LRATD2: variants seen among roughly 807,000 people sequenced by gnomAD.
LRATD2 encodes protein LRATD2.
A neutral mutation model predicts 12.0 loss-of-function variants in LRATD2; 10 were observed. The observed-to-expected ratio is 0.83, with a 90% CI of 0.51 to 1.41. The LOEUF (loss-of-function observed/expected upper bound fraction) is 1.41, where lower values mean the gene tolerates loss of function less well. LRATD2 is among the 40% of genes most tolerant of loss of function. The pLI, the probability that LRATD2 is intolerant of heterozygous loss-of-function variation, is 0.00. For missense variants in LRATD2, 455 were observed against 446.1 expected (o/e 1.02, Z -0.18); for synonymous variants, 220 against 205.8 (o/e 1.07, Z -0.59).
chr8:126,553,431 A>G lies in LRATD2; in HGVS notation c.*3026T>C, dbSNP rs913638174. On this transcript the variant is annotated 3_prime_UTR_variant, in exon 2 of 2. Transcript: ENST00000304916. ...ATCCCTGCCAGAACTTCTGAAGAAC[A>G]TTAGAATCGATATTTCTTTCCTTCA... 4 of 152,808 alleles carry G rather than the reference A, an allele frequency of 2.6e-5. No individual in the cohort carries two copies. The highest frequency in any genetic ancestry group is 6.5e-5 in the Admixed American group (1 of 15,312). 9.5% of individuals were successfully genotyped at this position (152,808 alleles called of 1,614,324 possible). A position where few individuals can be genotyped will look rare whatever the true frequency, so the allele number is the denominator to read the frequency against.
rs1288240825 is a variant in LRATD2, at chr8:126,557,321, G to T, written c.69C>A (p.Gly23=). The change falls in exon 2 of 2, where the codon GGC becomes GGA. Residue 23 remains glycine (G), a synonymous_variant. Transcript: ENST00000304916. The surrounding 1 kb of genome is among the most constrained non-coding windows in gnomAD (Gnocchi z 5.3). ...YKEVPTADPT[G]VDRDDGPRIG... is the part of the protein sequence containing the mutation. Reference sequence around the variant, plus strand: ...TGCGGGGCCCGTCGTCCCGGTCCACGCCAGTCGGGTCGGCCGTGGGAACTT... The same window carrying T: ...TGCGGGGCCCGTCGTCCCGGTCCACTCCAGTCGGGTCGGCCGTGGGAACTT... 1 of 1,613,860 alleles carries T rather than the reference G, an allele frequency of 6.2e-7. No homozygotes were observed. Among genetic ancestry groups the T allele is most frequent in the East Asian group, 2.2e-5 (1 of 44,850 alleles).
At position 126,555,576 on chromosome 8, in the gene LRATD2, G is replaced by C. The variant is rs1817369795; in HGVS notation, c.*881C>G. On this transcript the variant is annotated 3_prime_UTR_variant, in exon 2 of 2. Transcript: ENST00000304916. ...GTTTAATTAGATCAAAGACACAAAG[G>C]GCTATTCCCTCCTTTCATAACAACG... 6.6e-6 allele frequency: 1 copy of C among 152,642 alleles called. No individual in the cohort carries two copies. The highest frequency in any genetic ancestry group is 6.5e-5 in the Admixed American group (1 of 15,276). The allele number at this position is 152,642 out of a possible 1,614,324, so 9.5% of individuals were successfully genotyped here.
Position 126,557,382 on chromosome 8 carries a change from T to C in LRATD2, c.8A>G (p.Asn3Ser). The C allele has an allele frequency of 1.2e-6, 2 of 1,613,226 alleles. No homozygotes were observed. Among genetic ancestry groups the C allele is most frequent in the Non-Finnish European group, 8.5e-7 (1 of 1,179,858 alleles). Residue 3 changes from asparagine to serine, a missense_variant, in exon 2 of 2, where the codon AAC becomes AGC. By Grantham distance (46) the Asn-to-Ser change is conservative. Coordinates refer to ENST00000304916, the MANE Select transcript of LRATD2 (RefSeq NM_174911.5). The surrounding 1 kb of genome is among the most constrained non-coding windows in gnomAD (Gnocchi z 5.3). MGNQVEKLTHLSY... is the reference protein window; with the variant it reads MGSQVEKLTHLSY... ...TAGGTGGGTCAATTTCTCCACCTGG[T>C]TGCCCATCACGCTGCGGACACACGT...
In LRATD2 at chr8:126,555,480, A is replaced by G. The variant is rs1817365883; in HGVS notation, c.*977T>C. ...GCAGCCCTTTTTGGCTGCTTCCACA[A>G]TAGATACTTTATGGAGTGGCACAGC... On this transcript the variant is annotated 3_prime_UTR_variant, in exon 2 of 2. Coordinates refer to ENST00000304916, the MANE Select transcript of LRATD2 (RefSeq NM_174911.5). 6.6e-6 allele frequency: 1 copy of G among 152,580 alleles called. No homozygotes were observed. Among genetic ancestry groups the G allele is most frequent in the Admixed American group, 6.5e-5 (1 of 15,278 alleles). 9.5% of individuals were successfully genotyped at this position (152,580 alleles called of 1,614,324 possible). A position where few individuals can be genotyped will look rare whatever the true frequency, so the allele number is the denominator to read the frequency against.
In LRATD2 at chr8:126,556,566, G is replaced by C. The variant is rs775346007; in HGVS notation, c.824C>G (p.Pro275Arg). 16 of 1,607,678 alleles carry C rather than the reference G, an allele frequency of 1.0e-5. No individual in the cohort carries two copies. The highest frequency in any genetic ancestry group is 1.2e-5 in the Non-Finnish European group (14 of 1,177,394). Residue 275 changes from proline (P) to arginine (R), a missense_variant, in exon 2 of 2, where the codon CCG (proline) becomes CGG (arginine). Physicochemically the swap from Pro to Arg is moderately radical, Grantham distance 103. Transcript: ENST00000304916. The surrounding 1 kb of genome is among the most constrained non-coding windows in gnomAD (Gnocchi z 5.6). ...VLQELATHLHPAEPEEGDSNV... is the reference protein window; with the variant it reads ...VLQELATHLHRAEPEEGDSNV... ...GCTGTCGCCCTCCTCCGGCTCCGCC[G>C]GGTGCAGGTGCGTGGCGAGCTCCTG...
At position 126,552,870 on chromosome 8, in the gene LRATD2, G is replaced by A. The variant is rs923529777; in HGVS notation, c.*3587C>T. ...TGTAGCTTTCCAAACAAATCCATTC[G>A]ATGACCATTATCACAACTATATTTT... On this transcript the variant is annotated 3_prime_UTR_variant, in exon 2 of 2. Transcript: ENST00000304916. The A allele has an allele frequency of 4.6e-5, 7 of 152,502 alleles. No homozygotes were observed. The highest frequency in any genetic ancestry group is 7.2e-5 in the African/African-American group (3 of 41,406). The allele number at this position is 152,502 out of a possible 1,614,324, so 9.4% of individuals were successfully genotyped here. A position where few individuals can be genotyped will look rare whatever the true frequency, so the allele number is the denominator to read the frequency against.
rs1817355645 is a variant in LRATD2, at chr8:126,554,961, A to G, written c.*1496T>C. ...ATCATTGAAGATGTCACAGGAGTTT[A>G]AGAGACAGGCTGGAAAAAATCTCAT... On this transcript the variant is annotated 3_prime_UTR_variant, in exon 2 of 2. Coordinates refer to ENST00000304916, the MANE Select transcript of LRATD2 (RefSeq NM_174911.5). 1 of 152,214 alleles carries G rather than the reference A, an allele frequency of 6.6e-6. No homozygotes were observed. Among genetic ancestry groups the G allele is most frequent in the African/African-American group, 2.4e-5 (1 of 41,458 alleles). The allele number at this position is 152,214 out of a possible 1,614,324, so 9.4% of individuals were successfully genotyped here.
Position 126,556,552 on chromosome 8 carries a change from C to T in LRATD2, c.838G>A (p.Glu280Lys), listed in dbSNP as rs1395666098. Residue 280 changes from glutamate (E) to lysine (K), a missense_variant, in exon 2 of 2, where the codon GAG becomes AAG. Transcript: ENST00000304916. The surrounding 1 kb of genome is among the most constrained non-coding windows in gnomAD (Gnocchi z 5.6). The part of the protein sequence containing the change: ...ATHLHPAEPE[E>K]GDSNVARTTP... ...GTCCGCGCCACGTTGCTGTCGCCCTCCTCCGGCTCCGCCGGGTGCAGGTGC... is the reference window on the plus strand; with the variant it reads ...GTCCGCGCCACGTTGCTGTCGCCCTTCTCCGGCTCCGCCGGGTGCAGGTGC... 16 of 1,606,126 alleles carry T rather than the reference C, an allele frequency of 1.0e-5. No homozygotes were observed. The highest frequency in any genetic ancestry group is 1.3e-5 in the African/African-American group (1 of 74,674).
Position 126,556,954 on chromosome 8 carries a change from G to A in LRATD2, c.436C>T (p.His146Tyr). Residue 146 changes from histidine (H) to tyrosine (Y), a missense_variant, in exon 2 of 2, where the codon CAC becomes TAC. Coordinates refer to ENST00000304916, the MANE Select transcript of LRATD2 (RefSeq NM_174911.5). This position sits in a 1 kb window ranked among gnomAD's most constrained non-coding sequence, Gnocchi z 5.6. ...YVGNFQVVHL[H>Y]RLEVINSFLT... ...AAGCTGTTAATCACCTCCAGCCGGTGCAGGTGCACCACCTGGAAGTTACCC... is the reference window on the plus strand; with the variant it reads ...AAGCTGTTAATCACCTCCAGCCGGTACAGGTGCACCACCTGGAAGTTACCC... 3.1e-6 allele frequency: 5 copies of A among 1,610,092 alleles called. No individual in the cohort carries two copies. The highest frequency in any genetic ancestry group is 2.2e-5 in the East Asian group (1 of 44,862).
At position 126,556,238 on chromosome 8, in the gene LRATD2, C is replaced by T; in HGVS notation, c.*219G>A. The stretch of plus-strand genomic sequence containing the variant: ...GACAGGGGGCCAGAGGGAGACGCCC[C>T]CCACCCCCAACTAAAGTGTTTCCTA... On this transcript the variant is annotated 3_prime_UTR_variant, in exon 2 of 2. Coordinates refer to ENST00000304916, the MANE Select transcript of LRATD2 (RefSeq NM_174911.5). This position sits in a 1 kb window ranked among gnomAD's most constrained non-coding sequence, Gnocchi z 5.6. 1.8e-6 allele frequency: 1 copy of T among 547,092 alleles called. No homozygotes were observed. The highest frequency in any genetic ancestry group is 3.4e-5 in the East Asian group (1 of 29,534). 33.9% of individuals were successfully genotyped at this position (547,092 alleles called of 1,614,324 possible).
rs1284146719 is a variant in LRATD2 at position 126,555,164 on chromosome 8, AAGG to A, written c.*1290_*1292del. 6.6e-6 allele frequency: 1 copy of A among 152,230 alleles called. No homozygotes were observed. The highest frequency in any genetic ancestry group is 1.5e-5 in the Non-Finnish European group (1 of 68,042). 9.4% of individuals were successfully genotyped at this position (152,230 alleles called of 1,614,324 possible). The stretch of plus-strand genomic sequence containing the variant: ...CCCTCTTATTTAACAAAGGGCTCTG[AAGG>A]AGGTGTTCTCCAAGCAACAAGGAGA... On this transcript the variant is annotated 3_prime_UTR_variant, in exon 2 of 2. Coordinates refer to ENST00000304916, the MANE Select transcript of LRATD2 (RefSeq NM_174911.5).
Position 126,557,468 on chromosome 8 carries a change from G to T in LRATD2, c.-79C>A. ...CCAGGGTCATTTGCACAGGTCCCCGGACAGGGGCTGAGGCTACCTGTTGGG... is the reference window on the plus strand; with the variant it reads ...CCAGGGTCATTTGCACAGGTCCCCGTACAGGGGCTGAGGCTACCTGTTGGG... On this transcript the variant is annotated 5_prime_UTR_variant, in exon 2 of 2. Transcript: ENST00000304916. The surrounding 1 kb of genome is among the most constrained non-coding windows in gnomAD (Gnocchi z 5.3). 1 of 1,476,322 alleles carries T rather than the reference G, an allele frequency of 6.8e-7. No individual in the cohort carries two copies. Among genetic ancestry groups the T allele is most frequent in the Non-Finnish European group, 9.2e-7 (1 of 1,086,522 alleles). The allele number at this position is 1,476,322 out of a possible 1,614,324, so 91.5% of individuals were successfully genotyped here. A position where few individuals can be genotyped will look rare whatever the true frequency, so the allele number is the denominator to read the frequency against.
Position 126,556,359 on chromosome 8 carries a change from CCAGA to C in LRATD2, c.*94_*97del. Reference sequence around the variant, plus strand: ...AGGGCCCAGGAATCCCAGATGGGGCCCAGACAGTGGCAAAAGAGGGAGGAAGAGA... The same window carrying C: ...AGGGCCCAGGAATCCCAGATGGGGCCCAGTGGCAAAAGAGGGAGGAAGAGA... On this transcript the variant is annotated 3_prime_UTR_variant, in exon 2 of 2. Transcript: ENST00000304916. This position sits in a 1 kb window ranked among gnomAD's most constrained non-coding sequence, Gnocchi z 5.6. 4 of 1,369,520 alleles carry C rather than the reference CCAGA, an allele frequency of 2.9e-6. No homozygotes were observed. Among genetic ancestry groups the C allele is most frequent in the Non-Finnish European group, 3.9e-6 (4 of 1,030,590 alleles). The allele number at this position is 1,369,520 out of a possible 1,614,324, so 84.8% of individuals were successfully genotyped here. A position where few individuals can be genotyped will look rare whatever the true frequency, so the allele number is the denominator to read the frequency against.
chr8:126,556,851 G>A lies in LRATD2; in HGVS notation c.539C>T (p.Ala180Val). 6.2e-7 allele frequency: 1 copy of A among 1,606,622 alleles called. No individual in the cohort carries two copies. The highest frequency in any genetic ancestry group is 8.5e-7 in the Non-Finnish European group (1 of 1,179,484). Residue 180 changes from alanine to valine, a missense_variant, in exon 2 of 2, where the codon GCC becomes GTC. By Grantham distance (64) the Ala-to-Val change is moderately conservative. Coordinates refer to ENST00000304916, the MANE Select transcript of LRATD2 (RefSeq NM_174911.5). The surrounding 1 kb of genome is among the most constrained non-coding windows in gnomAD (Gnocchi z 5.6). ...GTGCGCCAGCGCGTTGCGCACCACG[G>A]CGCTGGAGCTTAGCGGCTTGTAGCG... ...LYRYKPLSSS[A>V]VVRNALAHVG... is the part of the protein sequence containing the mutation.
In LRATD2 at chr8:126,556,042, CCTTT is replaced by C. The variant is rs753172232; in HGVS notation, c.*411_*414del. The C allele has an allele frequency of 1.9e-4, 37 of 194,540 alleles. No homozygotes were observed. Among genetic ancestry groups the C allele is most frequent in the Non-Finnish European group, 3.7e-4 (36 of 97,060 alleles). 12.1% of individuals were successfully genotyped at this position (194,540 alleles called of 1,614,324 possible). On this transcript the variant is annotated 3_prime_UTR_variant, in exon 2 of 2. Coordinates refer to ENST00000304916, the MANE Select transcript of LRATD2 (RefSeq NM_174911.5). This position sits in a 1 kb window ranked among gnomAD's most constrained non-coding sequence, Gnocchi z 5.6. Reference sequence around the variant, plus strand: ...TGGCGACTCCACAAACCCACTCTGGCCTTTCTACCAGGATTCTTCCAAGCCCAGG... The same window carrying C: ...TGGCGACTCCACAAACCCACTCTGGCCTACCAGGATTCTTCCAAGCCCAGG...
Position 126,552,613 on chromosome 8 carries a change from A to C in LRATD2, c.*3844T>G, listed in dbSNP as rs1182998194. ...TTTGAAGGAAATGATACAATTTCAAATCGGAACTTCCTTCTCAAGAAGTGA... is the reference window on the plus strand; with the variant it reads ...TTTGAAGGAAATGATACAATTTCAACTCGGAACTTCCTTCTCAAGAAGTGA... On this transcript the variant is annotated 3_prime_UTR_variant, in exon 2 of 2. Coordinates refer to ENST00000304916, the MANE Select transcript of LRATD2 (RefSeq NM_174911.5). The C allele has an allele frequency of 6.5e-6, 1 of 152,688 alleles. No homozygotes were observed. The highest frequency in any genetic ancestry group is 1.5e-5 in the Non-Finnish European group (1 of 68,044). The allele number at this position is 152,688 out of a possible 1,614,324, so 9.5% of individuals were successfully genotyped here.
rs1817307520 is a variant in LRATD2 at position 126,552,796 on chromosome 8, T to C, written c.*3661A>G. 2 of 152,628 alleles carry C rather than the reference T, an allele frequency of 1.3e-5. No individual in the cohort carries two copies. Among genetic ancestry groups the C allele is most frequent in the Admixed American group, 6.5e-5 (1 of 15,270 alleles). The allele number at this position is 152,628 out of a possible 1,614,324, so 9.5% of individuals were successfully genotyped here. A position where few individuals can be genotyped will look rare whatever the true frequency, so the allele number is the denominator to read the frequency against. ...AGCCAAGAACAAAACAACAAAAAGC[T>C]GAATCAGTTGATAGTTACTCTGATT... On this transcript the variant is annotated 3_prime_UTR_variant, in exon 2 of 2. Coordinates refer to ENST00000304916, the MANE Select transcript of LRATD2 (RefSeq NM_174911.5).
chr8:126,555,658 A>T lies in LRATD2; in HGVS notation c.*799T>A, dbSNP rs1817372763. On this transcript the variant is annotated 3_prime_UTR_variant, in exon 2 of 2. Transcript: ENST00000304916. ...AACAAAGGCAGCAGAACAGAACCTTAATTGAAACCTTCCCCTGGCTGGCCC... is the reference window on the plus strand; with the variant it reads ...AACAAAGGCAGCAGAACAGAACCTTTATTGAAACCTTCCCCTGGCTGGCCC... 6.5e-6 allele frequency: 1 copy of T among 152,748 alleles called. No homozygotes were observed. Among genetic ancestry groups the T allele is most frequent in the South Asian group, 2.1e-4 (1 of 4,828 alleles). 9.5% of individuals were successfully genotyped at this position (152,748 alleles called of 1,614,324 possible).
rs1426144418 is a variant in LRATD2, at chr8:126,557,238, G to A, written c.152C>T (p.Pro51Leu). 6.2e-7 allele frequency: 1 copy of A among 1,603,906 alleles called. No homozygotes were observed. The highest frequency in any genetic ancestry group is 8.5e-7 in the Non-Finnish European group (1 of 1,175,592). ...CAAGCCGCCGCCATCTGGCCCCTGAGGCGGCGGCTGCGGCTCCACGTCCTC... is the reference window on the plus strand; with the variant it reads ...CAAGCCGCCGCCATCTGGCCCCTGAAGCGGCGGCTGCGGCTCCACGTCCTC... ...DDEDVEPQPP[P>L]QGPDGGGLPD... The change falls in exon 2 of 2, where the codon CCT becomes CTT. Residue 51 changes from proline to leucine, a missense_variant. Transcript: ENST00000304916. The surrounding 1 kb of genome is among the most constrained non-coding windows in gnomAD (Gnocchi z 5.3).
Sources: allele counts gnomAD v4.1 joint callset, GRCh38; gene constraint gnomAD v4.1.1; non-coding constraint Gnocchi (gnomAD v3.1); transcripts MANE v1.5; gene names NCBI Gene and HGNC (gene_info 2026-07-23, HGNC 2026-07-21).